CYP7B1: variants seen among roughly 807,000 people sequenced by gnomAD.
The protein encoded by CYP7B1 is cytochrome P450 family 7 subfamily B member 1.
In CYP7B1, 29 loss-of-function variants were observed where a neutral mutation model predicts 42.7. The ratio of observed to expected loss-of-function variants is 0.68; its 90% CI spans 0.51 to 0.93. The LOEUF (loss-of-function observed/expected upper bound fraction) is 0.93. Among genes scored for constraint, CYP7B1 ranks in the 40% least tolerant of loss-of-function variants. The pLI, the probability that CYP7B1 is intolerant of heterozygous loss-of-function variation, is 0.00. For synonymous variants in CYP7B1, 235 were observed against 218.2 expected (o/e 1.08, Z -0.68); for missense variants, 655 against 600.5 (o/e 1.09, Z -0.95).
In CYP7B1 at chr8:64,712,834, C is replaced by T. The variant is rs80288756; in HGVS notation, c.122+85632G>A. Among the ~76,000 whole-genome samples, 1,495 of 151,604 alleles carry T rather than the reference C, an allele frequency of 9.9e-3. 24 individuals carry two copies. Among genetic ancestry groups the T allele is most frequent in the African/African-American group, 0.034 (1,410 of 41,376 alleles). On this transcript the variant is annotated intron_variant, in intron 1 of 5. Transcript: ENST00000310193. ...ATTTGTATAATTAATTTTCTTAAAA[C>T]ACTGTGAGGCCGAAAGAGAGAAGAA...
intron 1 of CYP7B1, among the ~76,000 whole-genome samples, chr8:64,745,813 G>C (rs553108540): frequency 2.6e-5 from 4 of 152,260 alleles, no homozygotes; most frequent in African/African-American, 9.6e-5. Flanking sequence ...GATTTTGATT[G>C]CTCTATAGTA....
chr8:64,614,908 G>T, intron 4 of CYP7B1, 118 bp downstream of exon 4: 1 of 873,710 alleles, frequency 1.1e-6, no homozygotes, highest in Admixed American at 1.9e-5. Context: ...ATGTAAATGG[G>T]TGTTATTATG....
intron 2 of CYP7B1, among the ~76,000 whole-genome samples, chr8:64,623,299 C>T (rs1563367070): frequency 6.6e-6 from 1 of 152,170 alleles, no homozygotes; most frequent in Non-Finnish European, 1.5e-5. Context: ...ATATCTGAGC[C>T]TAGGCCTCAA....
Position 64,624,689 on chromosome 8 carries a change from C to T in CYP7B1, c.123-150G>A, listed in dbSNP as rs1585814411. 4 of 928,296 alleles carry T rather than the reference C, an allele frequency of 4.3e-6. No individual in the cohort carries two copies. The South Asian group carries it at 6.5e-5, about 15-fold the overall frequency. The allele number at this position is 928,296 out of a possible 1,614,324, so 57.5% of individuals were successfully genotyped here. A position where few individuals can be genotyped will look rare whatever the true frequency, so the allele number is the denominator to read the frequency against. ...TCTTACTCAGTGATTCTTATATAAT[C>T]ATAGACATGAGTTTACTGAGCTTCT... On this transcript the variant is annotated intron_variant, in intron 1 of 5. Transcript: ENST00000310193.
At chr8:64,749,311 T>C (rs917879447) in intron 1 of CYP7B1, among the ~76,000 whole-genome samples, 2 of 152,058 alleles carry the variant, frequency 1.3e-5, no homozygotes. Context: ...GAACTTGTGA[T>C]CTCAGGTGAT....
chr8:64,607,718 C>T (rs538029613), intron 4 of CYP7B1, among the ~76,000 whole-genome samples: 3 of 152,272 alleles, frequency 2.0e-5, no homozygotes, highest in South Asian at 2.1e-4. Flanking sequence ...CATTGTGAGT[C>T]ATTAATGCAC....
chr8:64,671,094 G>A (rs903398835), intron 1 of CYP7B1, among the ~76,000 whole-genome samples: 3 of 151,786 alleles, frequency 2.0e-5, no homozygotes, highest in African/African-American at 7.3e-5. Flanking sequence ...TCCCCCCCAT[G>A]TATATATAAA....
chr8:64,762,570 G>A (rs1386877977), intron 1 of CYP7B1, among the ~76,000 whole-genome samples: 5 of 152,158 alleles, frequency 3.3e-5, no homozygotes, highest in Non-Finnish European at 5.9e-5. Context: ...ATTTGAAAAC[G>A]TGGTTTCATA....
chr8:64,774,376 A>C (rs1804286116), intron 1 of CYP7B1, among the ~76,000 whole-genome samples: 1 of 152,182 alleles, frequency 6.6e-6, no homozygotes, highest in South Asian at 2.1e-4. Context: ...ACACAAATGG[A>C]AAGACTAATA....
intron 1 of CYP7B1, among the ~76,000 whole-genome samples, chr8:64,659,168 TG>T (rs1212902979): frequency 6.6e-6 from 1 of 152,232 alleles, no homozygotes; most frequent in Non-Finnish European, 1.5e-5. Context: ...TTTGGGGAAC[TG>T]GTATTTTACT....
intron 1 of CYP7B1, among the ~76,000 whole-genome samples, chr8:64,656,900 A>G (rs1010768744): frequency 2.0e-5 from 3 of 152,202 alleles, no homozygotes; most frequent in Admixed American, 1.3e-4. Context: ...AAAACTCTCA[A>G]AACTACAGAC....
chr8:64,632,145 A>C (rs778335923), intron 1 of CYP7B1, among the ~76,000 whole-genome samples: 2 of 152,230 alleles, frequency 1.3e-5, no homozygotes, highest in Non-Finnish European at 2.9e-5. Context: ...AGGGCTATTC[A>C]CAATAGCTAA....
At chr8:64,785,727 G>T (rs899010874) in intron 1 of CYP7B1, among the ~76,000 whole-genome samples, 1 of 152,086 alleles carries the variant, frequency 6.6e-6, no homozygotes, top group Non-Finnish European at 1.5e-5. Context: ...GGGATGAATA[G>T]CAGAGGCCAG....
intron 5 of CYP7B1, among the ~76,000 whole-genome samples, chr8:64,597,776 G>A (rs1005877354): frequency 6.6e-5 from 10 of 152,128 alleles, no homozygotes; most frequent in Non-Finnish European, 1.2e-4. Context: ...TTTAGCCTAT[G>A]GTGAATTAAG....
intron 1 of CYP7B1, among the ~76,000 whole-genome samples, chr8:64,763,640 G>A (rs1281761923): frequency 6.6e-6 from 1 of 152,220 alleles, no homozygotes; most frequent in East Asian, 1.9e-4. Flanking sequence ...TCTGGGGAAG[G>A]GCTTTCTAAC....
At chr8:64,662,475 C>G (rs1806214178) in intron 1 of CYP7B1, among the ~76,000 whole-genome samples, 1 of 152,126 alleles carries the variant, frequency 6.6e-6, no homozygotes, top group African/African-American at 2.4e-5. Context: ...ATTCCTGTCT[C>G]CATTTTAAAT....
At chr8:64,619,751 G>A (rs1391200387) in intron 2 of CYP7B1, among the ~76,000 whole-genome samples, 1 of 152,116 alleles carries the variant, frequency 6.6e-6, no homozygotes, top group Non-Finnish European at 1.5e-5. Flanking sequence ...TTCAAAGTAT[G>A]TTGGTAAATG....
intron 1 of CYP7B1, among the ~76,000 whole-genome samples, chr8:64,762,584 C>T (rs2129633753): frequency 6.6e-6 from 1 of 152,310 alleles, no homozygotes; most frequent in East Asian, 1.9e-4. Flanking sequence ...TTTCATAATG[C>T]AATGACCTGG....
At chr8:64,791,055 C>G (rs1804608770) in intron 1 of CYP7B1, among the ~76,000 whole-genome samples, 1 of 152,084 alleles carries the variant, frequency 6.6e-6, no homozygotes, top group Non-Finnish European at 1.5e-5. Context: ...AGAAAATCAC[C>G]AAAAACTGGG....
Sources: allele counts gnomAD v4.1 joint callset (sites outside exome capture counted in the v4.1 genomes callset), GRCh38; gene constraint gnomAD v4.1.1; transcripts MANE v1.5; gene names NCBI Gene and HGNC (gene_info 2026-07-23, HGNC 2026-07-21).